The following IL33 variants were observed in gnomAD, a reference collection of about 807,000 sequenced individuals.
IL33 encodes interleukin-33.
Under a neutral mutation model 27.3 loss-of-function variants are expected in IL33, and 37 were observed. The ratio of observed to expected loss-of-function variants is 1.36; its 90% CI spans 1.04 to 1.78. The LOEUF (loss-of-function observed/expected upper bound fraction) is 1.78. Ranked by LOEUF, IL33 falls within the 40% of genes most tolerant of loss-of-function variation. The probability of loss-of-function intolerance (pLI) is 0.00; values close to 1 mark genes in which losing one functional copy is unlikely to be tolerated. For missense variants in IL33, 406 were observed against 311.4 expected (o/e 1.30, Z -2.29); for synonymous variants, 132 against 102.9 (o/e 1.28, Z -1.71).
intron 1 of IL33, among the ~76,000 whole-genome samples, chr9:6,226,135 C>T (rs771186791): frequency 1.3e-5 from 2 of 151,936 alleles, no homozygotes; most frequent in Non-Finnish European, 2.9e-5. Context: ...AGCCTCCCCA[C>T]CAGCTGGGAC....
intron 2 of IL33, 50 bp downstream of exon 2, chr9:6,241,835 T>C (rs2130322783): frequency 8.1e-7 from 1 of 1,232,692 alleles, no homozygotes; most frequent in South Asian, 1.3e-5. Context: ...TTTTATCTGT[T>C]ATCAAATATT....
chr9:6,233,902 C>A (rs948146076), intron 1 of IL33, among the ~76,000 whole-genome samples: 2 of 152,144 alleles, frequency 1.3e-5, no homozygotes, highest in East Asian at 3.8e-4. Flanking sequence ...CCACTCTGCG[C>A]AGTCCAGTGC....
rs756352838 is a variant in IL33 at position 6,250,481 on chromosome 9, A to C, written c.99A>C (p.Gln33His). 2 of 1,613,276 alleles carry C rather than the reference A, an allele frequency of 1.2e-6. No individual in the cohort carries two copies. Among genetic ancestry groups the C allele is most frequent in the East Asian group, 4.5e-5 (2 of 44,868 alleles). ...AGTTTTTCAATTGTTTAGAATCCCA[A>C]CAGAAGGCCAAAGAAGTTTGCCCCA... ...KALCFKLGKS[Q>H]QKAKEVCPMY... Residue 33 changes from glutamine (Q) to histidine (H), a missense_variant, in exon 3 of 8, where the codon CAA (glutamine) becomes CAC (histidine). By Grantham distance (24) the Gln-to-His change is conservative. Transcript: ENST00000682010.
At chr9:6,216,741 G>A (rs951301050) in intron 1 of IL33, among the ~76,000 whole-genome samples, 1 of 152,048 alleles carries the variant, frequency 6.6e-6, no homozygotes, top group Non-Finnish European at 1.5e-5. Flanking sequence ...AGAGCTAAAT[G>A]TCATCTCCAA....
chr9:6,227,708 C>G (rs1564052460), intron 1 of IL33, among the ~76,000 whole-genome samples: 1 of 152,188 alleles, frequency 6.6e-6, no homozygotes, highest in African/African-American at 2.4e-5. Context: ...TTGACTACCA[C>G]TGATGGTATA....
In IL33 at chr9:6,254,560, A is replaced by G. The variant is rs1174000105; in HGVS notation, c.612+7A>G. 1.3e-6 allele frequency: 2 copies of G among 1,543,788 alleles called. No homozygotes were observed. The highest frequency in any genetic ancestry group is 1.9e-5 in the Admixed American group (1 of 52,974). On this transcript the variant is annotated splice_region_variant and intron_variant, in intron 7 of 7. Transcript: ENST00000682010. ...CAAGGAACACTCTGTGGAGGTAAAA[A>G]AAAAAAATTTATCTATATCTATATA...
chr9:6,227,379 G>C (rs370054156), intron 1 of IL33, among the ~76,000 whole-genome samples: 24 of 152,200 alleles, frequency 1.6e-4, no homozygotes, highest in African/African-American at 3.9e-4. Flanking sequence ...CCTCAATGTT[G>C]TTTGAAAAGA....
At chr9:6,237,953 G>C (rs1269338395) in intron 1 of IL33, among the ~76,000 whole-genome samples, 1 of 152,096 alleles carries the variant, frequency 6.6e-6, no homozygotes, top group Non-Finnish European at 1.5e-5. Flanking sequence ...CTACAATTGG[G>C]TTCCCTATCT....
chr9:6,218,808 T>TATATATATATGTTCTCC (rs1191458070), intron 1 of IL33, among the ~76,000 whole-genome samples: 24 of 110,080 alleles, frequency 2.2e-4, no homozygotes, highest in Non-Finnish European at 3.7e-4. Flanking sequence ...ATGTTCTCCA[T>TATATATATATGTTCTCC]ATATATATAT....
chr9:6,230,306 G>C (rs1818864881), intron 1 of IL33, among the ~76,000 whole-genome samples: 2 of 152,152 alleles, frequency 1.3e-5, no homozygotes, highest in Admixed American at 1.3e-4. Flanking sequence ...TATCTTTATA[G>C]AGTATTTCCT....
Position 6,231,263 on chromosome 9 carries a change from T to C in IL33, c.-11-10421T>C, listed in dbSNP as rs370962259. ...AATGCACTCTGAATGAAATCCAAGC[T>C]TCTTCCTTTGGCCTCCAGGGCCCAG... On this transcript the variant is annotated intron_variant, in intron 1 of 7. Coordinates refer to ENST00000682010, the MANE Select transcript of IL33 (RefSeq NM_033439.4). 4.6e-5 allele frequency among the ~76,000 whole-genome samples: 7 copies of C among 152,286 alleles called. No homozygotes were observed. The East Asian group carries it at 7.7e-4, about 17-fold the overall frequency.
intron 2 of IL33, among the ~76,000 whole-genome samples, chr9:6,245,782 G>T (rs530637023): frequency 5.9e-5 from 9 of 152,142 alleles, no homozygotes; most frequent in African/African-American, 1.9e-4. Context: ...TTGGGTAGAC[G>T]CCAGGTGTTG....
intron 1 of IL33, among the ~76,000 whole-genome samples, chr9:6,230,208 A>G (rs1163357430): frequency 1.3e-5 from 2 of 152,178 alleles, no homozygotes; most frequent in East Asian, 3.8e-4. Context: ...TACCTTAAAG[A>G]CATAAAACAA....
intron 3 of IL33, 152 bp from the exon 4 acceptor site, chr9:6,250,988 C>A: frequency 3.2e-6 from 3 of 942,186 alleles, no homozygotes; most frequent in Non-Finnish European, 4.6e-6. Flanking sequence ...AATAAGTGTG[C>A]CAAGAGGTAT....
chr9:6,241,617 G>C, intron 1 of IL33, 67 bp from the exon 2 acceptor site: 1 of 892,726 alleles, frequency 1.1e-6, no homozygotes, highest in Non-Finnish European at 1.7e-6. Context: ...TAGTGAGCTA[G>C]CCACAGTTGT....
At chr9:6,242,025 C>A (rs758855796) in intron 2 of IL33, among the ~76,000 whole-genome samples, 1 of 152,158 alleles carries the variant, frequency 6.6e-6, no homozygotes, top group Non-Finnish European at 1.5e-5. Context: ...TAATCTGAAC[C>A]TGTGAATAGT....
chr9:6,219,993 C>T (rs1374284052), intron 1 of IL33, among the ~76,000 whole-genome samples: 1 of 152,158 alleles, frequency 6.6e-6, no homozygotes. Flanking sequence ...CTTTGTGAAG[C>T]TATTTTCTTA....
chr9:6,236,018 TACACACACACAC>T (rs61318432), intron 1 of IL33, among the ~76,000 whole-genome samples: 156 of 139,774 alleles, frequency 1.1e-3, no homozygotes, highest in East Asian at 5.7e-3. Context: ...CCCACACCCA[TACACACACACAC>T]ACACACACAC....
intron 1 of IL33, among the ~76,000 whole-genome samples, chr9:6,219,419 C>A (rs1015969904): frequency 2.0e-5 from 3 of 152,070 alleles, no homozygotes; most frequent in Non-Finnish European, 4.4e-5. Flanking sequence ...TAGCGGACTC[C>A]TGGCACATGC....
Sources: allele counts gnomAD v4.1 joint callset (sites outside exome capture counted in the v4.1 genomes callset), GRCh38; gene constraint gnomAD v4.1.1; transcripts MANE v1.5; gene names NCBI Gene and HGNC (gene_info 2026-07-23, HGNC 2026-07-21).